Variants in TAFA1 observed in about 807,000 individuals in gnomAD.
TAFA1 encodes TAFA chemokine like family member 1.
TAFA1 carries 4 observed loss-of-function variants against 18.5 expected under a neutral mutation model. The observed-to-expected ratio is 0.22, with a 90% CI of 0.11 to 0.49. The LOEUF is 0.49. TAFA1 is among the 20% of genes least tolerant of loss of function. TAFA1 has a pLI of 0.98. For synonymous variants in TAFA1, 56 were observed against 55.2 expected, an observed-to-expected ratio of 1.01 and a Z score of -0.06; for missense variants, 147 against 169.0, an observed-to-expected ratio of 0.87 and a Z score of 0.72.
intron 3 of TAFA1, among the ~76,000 whole-genome samples, chr3:68,462,186 T>A (rs2071796315): frequency 6.6e-6 from 1 of 152,128 alleles, no homozygotes; most frequent in African/African-American, 2.4e-5. Flanking sequence ...TCAAAATATA[T>A]AATTAAAAAG....
At position 68,154,777 on chromosome 3, in the gene TAFA1, G is replaced by A. The variant is rs527656233; in HGVS notation, c.118+148033G>A. ...TTTTGTCATTTTCTTAAGTACACAC[G>A]CACCCCACACACTTCTATTCTCCCC... On this transcript the variant is annotated intron_variant, in intron 2 of 4. Transcript: ENST00000478136. Among the ~76,000 whole-genome samples the A allele has an allele frequency of 7.9e-5, 12 of 152,098 alleles. No individual in the cohort carries two copies. In the East Asian group the frequency reaches 9.7e-4, roughly 12 times the overall value.
At chr3:68,395,714 C>T (rs1048865820) in intron 2 of TAFA1, among the ~76,000 whole-genome samples, 1 of 152,038 alleles carries the variant, frequency 6.6e-6, no homozygotes, top group Non-Finnish European at 1.5e-5. Flanking sequence ...GAAGAGAAAA[C>T]CAAACACTGC....
chr3:68,493,634 C>T (rs559618080), intron 3 of TAFA1, among the ~76,000 whole-genome samples: 179 of 152,342 alleles, frequency 1.2e-3, no homozygotes, highest in Non-Finnish European at 9.3e-4. Flanking sequence ...TATACATCCT[C>T]ACCAACACTT....
intron 2 of TAFA1, among the ~76,000 whole-genome samples, chr3:68,213,682 A>G (rs1378306501): frequency 6.6e-6 from 1 of 152,048 alleles, no homozygotes; most frequent in African/African-American, 2.4e-5. Context: ...GTTCCAAGTA[A>G]TTTTATCAGT....
chr3:68,183,877 C>T (rs2066237016), intron 2 of TAFA1, among the ~76,000 whole-genome samples: 1 of 152,126 alleles, frequency 6.6e-6, no homozygotes, highest in Admixed American at 6.6e-5. Flanking sequence ...AATGAATGCA[C>T]AGATGTGTAC....
chr3:68,008,056 G>C (rs978949206), intron 2 of TAFA1, among the ~76,000 whole-genome samples: 1 of 152,228 alleles, frequency 6.6e-6, no homozygotes, highest in African/African-American at 2.4e-5. Flanking sequence ...TGTGCTAGGG[G>C]CTGAGGCTGG....
intron 2 of TAFA1, among the ~76,000 whole-genome samples, chr3:68,178,169 C>CCCTGCTTT (rs1191212392): frequency 2.0e-5 from 3 of 152,024 alleles, no homozygotes; most frequent in Admixed American, 2.0e-4. Context: ...AAATACATGA[C>CCCTGCTTT]CCTGCAAAGC....
intron 2 of TAFA1, among the ~76,000 whole-genome samples, chr3:68,109,348 C>A (rs932151086): frequency 2.0e-5 from 3 of 151,932 alleles, no homozygotes; most frequent in Non-Finnish European, 4.4e-5. Flanking sequence ...CATCATTGTG[C>A]GACATACTTT....
intron 3 of TAFA1, among the ~76,000 whole-genome samples, chr3:68,530,046 G>C (rs2073168778): frequency 6.6e-6 from 1 of 152,166 alleles, no homozygotes; most frequent in Non-Finnish European, 1.5e-5. Context: ...CCAGTAACCT[G>C]TATTGAGAAA....
intron 3 of TAFA1, among the ~76,000 whole-genome samples, chr3:68,491,655 C>G (rs1313572065): frequency 6.6e-6 from 1 of 150,866 alleles, no homozygotes; most frequent in Non-Finnish European, 1.5e-5. Context: ...CTAACCTGCA[C>G]ATTGTGCACA....
chr3:68,470,179 C>A (rs145620083), intron 3 of TAFA1, among the ~76,000 whole-genome samples: 1 of 152,308 alleles, frequency 6.6e-6, no homozygotes, highest in Non-Finnish European at 1.5e-5. Context: ...TGCTGCCATG[C>A]AAGACATGAC....
intron 3 of TAFA1, among the ~76,000 whole-genome samples, chr3:68,507,724 C>T (rs1349712706): frequency 6.6e-6 from 1 of 152,070 alleles, no homozygotes; most frequent in African/African-American, 2.4e-5. Flanking sequence ...ATTTTATGTA[C>T]ACCTCTTAAC....
At chr3:67,994,582 T>C in the TAFA1 span, among the ~76,000 whole-genome samples, 10 of 152,310 alleles carry the variant, frequency 6.6e-5, no homozygotes, top group Middle Eastern at 3.4e-3. Context: ...TTCAGATTGG[T>C]TTGATTCAAA....
At chr3:68,334,610 T>G (rs2068939559) in intron 2 of TAFA1, among the ~76,000 whole-genome samples, 1 of 152,152 alleles carries the variant, frequency 6.6e-6, no homozygotes, top group Admixed American at 6.5e-5. Flanking sequence ...GATTCTGCAT[T>G]TTTAACAATC....
chr3:68,132,095 T>A (rs953585079), intron 2 of TAFA1, among the ~76,000 whole-genome samples: 2 of 152,150 alleles, frequency 1.3e-5, no homozygotes, highest in African/African-American at 4.8e-5. Context: ...GTGTTCTCAT[T>A]GTTCACCTTC....
chr3:68,095,814 G>A (rs990028750), intron 2 of TAFA1, among the ~76,000 whole-genome samples: 2 of 151,964 alleles, frequency 1.3e-5, no homozygotes, highest in African/African-American at 4.8e-5. Context: ...AACTTTACTT[G>A]TTTATTTTTA....
intron 3 of TAFA1, among the ~76,000 whole-genome samples, chr3:68,533,170 A>G (rs1338060587): frequency 6.6e-6 from 1 of 152,124 alleles, no homozygotes; most frequent in Non-Finnish European, 1.5e-5. Context: ...CACACTGCTG[A>G]TAAAGACATA....
intron 3 of TAFA1, among the ~76,000 whole-genome samples, chr3:68,428,036 G>T (rs1339109656): frequency 6.6e-6 from 1 of 151,868 alleles, no homozygotes; most frequent in Admixed American, 6.6e-5. Context: ...TTCTTTATAG[G>T]ACTATGAAAA....
intron 2 of TAFA1, among the ~76,000 whole-genome samples, chr3:68,354,495 C>T (rs529864265): frequency 4.3e-4 from 65 of 152,024 alleles, no homozygotes; most frequent in African/African-American, 1.4e-3. Flanking sequence ...CCGCCATTAC[C>T]ATCACTTGTT....
Sources: gnomAD v4.1 joint callset for allele counts (sites outside exome capture counted in the v4.1 genomes callset) on GRCh38, gnomAD v4.1.1 for gene constraint, MANE v1.5 for transcripts, NCBI Gene and HGNC (gene_info 2026-07-23, HGNC 2026-07-21) for gene names.